MME: variants seen among roughly 807,000 people sequenced by gnomAD.
The protein encoded by MME is membrane metalloendopeptidase.
A neutral mutation model predicts 113.2 loss-of-function variants in MME; 98 were observed. That is an observed-to-expected ratio of 0.87 (90% CI 0.74 to 1.02). The LOEUF is 1.02. MME is among the 50% of genes least tolerant of loss of function. The pLI, the probability that MME is intolerant of heterozygous loss-of-function variation, is 0.00. For synonymous variants in MME, 292 were observed against 300.6 expected (o/e 0.97, Z 0.30); for missense variants, 836 against 896.0 (o/e 0.93, Z 0.86).
At chr3:155,076,756 C>A (rs1343665451), upstream of MME, among the ~76,000 whole-genome samples, 2 of 152,172 alleles carry the variant, frequency 1.3e-5, no homozygotes, top group Non-Finnish European at 2.9e-5. Context: ...GGGAAAGGGG[C>A]AGAGATTTCC....
intron 17 of MME, among the ~76,000 whole-genome samples, chr3:155,165,488 G>A (rs1723029217): frequency 6.6e-6 from 1 of 152,090 alleles, no homozygotes; most frequent in Non-Finnish European, 1.5e-5. Context: ...AGAGGACCCT[G>A]GGGCCATAGG....
upstream of MME, among the ~76,000 whole-genome samples, chr3:155,078,120 T>G (rs1054771009): frequency 3.3e-5 from 5 of 151,606 alleles, no homozygotes; most frequent in Non-Finnish European, 7.4e-5. Flanking sequence ...GTGCCTGTAT[T>G]TCCAGTTGCT....
chr3:155,079,259 T>C (rs1714901383), upstream of MME, among the ~76,000 whole-genome samples: 1 of 150,870 alleles, frequency 6.6e-6, no homozygotes, highest in African/African-American at 2.4e-5. Flanking sequence ...GGAAGGAAGC[T>C]TGGATTCAGG....
chr3:155,175,708 T>G (rs1712449011), intron 22 of MME, among the ~76,000 whole-genome samples: 2 of 152,090 alleles, frequency 1.3e-5, no homozygotes, highest in Admixed American at 1.3e-4. Flanking sequence ...AAGCAAGAAA[T>G]GTTTCTCACA....
At chr3:155,059,785 A>G (rs1217721396) in intron 1 of MME, among the ~76,000 whole-genome samples, 1 of 152,236 alleles carries the variant, frequency 6.6e-6, no homozygotes, top group Non-Finnish European at 1.5e-5. Flanking sequence ...GAACTATATA[A>G]TTCTTAAATT....
intron 1 of MME, among the ~76,000 whole-genome samples, chr3:155,063,937 C>T (rs111808694): frequency 0.018 from 2,730 of 151,462 alleles, 27 homozygotes; most frequent in Middle Eastern, 0.051. Flanking sequence ...CAGAGGTAAT[C>T]AAGGTTAAAT....
intron 16 of MME, 24 bp from the exon 17 acceptor site, chr3:155,160,366 A>G (rs1378479395): frequency 2.6e-6 from 4 of 1,532,944 alleles, no homozygotes; most frequent in South Asian, 1.1e-5. Flanking sequence ...TATCATTTGT[A>G]AAGAGTTCTT....
chr3:155,069,243 G>A (rs1714476422), intron 1 of MME, among the ~76,000 whole-genome samples: 1 of 152,032 alleles, frequency 6.6e-6, no homozygotes, highest in Non-Finnish European at 1.5e-5. Context: ...AAGAAATGAT[G>A]CTTTATTTAG....
At chr3:155,044,550 C>T (rs566752765) in intron 1 of MME, among the ~76,000 whole-genome samples, 48 of 151,588 alleles carry the variant, frequency 3.2e-4, no homozygotes, top group African/African-American at 1.1e-3. Flanking sequence ...GACAGAGTCT[C>T]GCTGTTGTTG....
chr3:155,046,509 GA>G (rs1713565647), intron 1 of MME, among the ~76,000 whole-genome samples: 1 of 152,116 alleles, frequency 6.6e-6, no homozygotes, highest in Non-Finnish European at 1.5e-5. Context: ...CCAACATGGT[GA>G]AACCCCATCT....
intron 16 of MME, among the ~76,000 whole-genome samples, chr3:155,153,401 G>T (rs1722087802): frequency 1.3e-5 from 2 of 152,110 alleles, no homozygotes; most frequent in Non-Finnish European, 2.9e-5. Flanking sequence ...AGTTTGTAAA[G>T]AATTTTAAAC....
At chr3:155,168,399 C>T in intron 18 of MME, 93 bp from the exon 19 acceptor site, 1 of 1,076,856 alleles carries the variant, frequency 9.3e-7, no homozygotes, top group East Asian at 2.6e-5. Flanking sequence ...TTCTGTCACA[C>T]AGCAGTATTT....
chr3:155,138,301 T>C, intron 9 of MME, 65 bp downstream of exon 9: 1 of 1,516,642 alleles, frequency 6.6e-7, no homozygotes, highest in Non-Finnish European at 9.1e-7. Flanking sequence ...TTCCCCTCTC[T>C]ATCATACTTT....
chr3:155,104,484 C>T (rs1717527556), intron 3 of MME, among the ~76,000 whole-genome samples: 1 of 152,222 alleles, frequency 6.6e-6, no homozygotes, highest in African/African-American at 2.4e-5. Context: ...TCGAGAAGCA[C>T]TGTCGACTCA....
intron 8 of MME, among the ~76,000 whole-genome samples, chr3:155,131,197 A>C (rs1034821039): frequency 7.9e-5 from 12 of 152,208 alleles, no homozygotes; most frequent in African/African-American, 2.9e-4. Flanking sequence ...CATGTGAAAG[A>C]TAACGATGGA....
chr3:155,136,092 G>A (rs562317179), intron 8 of MME, among the ~76,000 whole-genome samples: 33 of 152,318 alleles, frequency 2.2e-4, no homozygotes, highest in Middle Eastern at 3.4e-3. Context: ...AGTGAAAAGA[G>A]AGAGTTTGAC....
At chr3:155,107,556 T>A (rs1717794101) in intron 3 of MME, among the ~76,000 whole-genome samples, 1 of 152,194 alleles carries the variant, frequency 6.6e-6, no homozygotes, top group Non-Finnish European at 1.5e-5. Flanking sequence ...TTTCCTGTTT[T>A]GTACATTTTT....
At chr3:155,168,835 A>G (rs766315967) in intron 20 of MME, 38 bp downstream of exon 20, 11 of 1,525,928 alleles carry the variant, frequency 7.2e-6, no homozygotes, top group Non-Finnish European at 1.0e-5. Flanking sequence ...TTAGTGATTT[A>G]GAGTGTTTCT....
At chr3:155,057,511 G>A (rs1713974848) in intron 1 of MME, among the ~76,000 whole-genome samples, 1 of 151,898 alleles carries the variant, frequency 6.6e-6, no homozygotes, top group African/African-American at 2.4e-5. Context: ...CAGTTTTAAA[G>A]ATCAATTGGT....
Sources: gnomAD v4.1 joint callset for allele counts (sites outside exome capture counted in the v4.1 genomes callset) on GRCh38, gnomAD v4.1.1 for gene constraint, MANE v1.5 for transcripts, NCBI Gene and HGNC (gene_info 2026-07-23, HGNC 2026-07-21) for gene names.